The following RD3 variants were observed in gnomAD, a reference collection of about 807,000 sequenced individuals.
The protein encoded by RD3 is RD3 regulator of GUCY2D.
In RD3, 11 loss-of-function variants were observed where a neutral mutation model predicts 16.9. The ratio of observed to expected loss-of-function variants is 0.65; its 90% confidence interval spans 0.41 to 1.08. The LOEUF is 1.08. Ranked by LOEUF, RD3 falls within the 50% of genes least tolerant of loss-of-function variation. RD3 has a pLI of 0.00. For missense variants in RD3, 274 were observed against 267.4 expected (o/e 1.02, Z -0.17); for synonymous variants, 116 against 114.8 (o/e 1.01, Z -0.07).
At chr1:211,480,288 G>A (rs1705235136) in intron 2 of RD3, among the ~76,000 whole-genome samples, 1 of 152,098 alleles carries the variant, frequency 6.6e-6, no homozygotes, top group South Asian at 2.1e-4. Flanking sequence ...GTGTGGACGG[G>A]GCTGAAGAAG....
chr1:211,482,790 A>C (rs1210601370), intron 1 of RD3, among the ~76,000 whole-genome samples: 1 of 151,898 alleles, frequency 6.6e-6, no homozygotes, highest in Non-Finnish European at 1.5e-5. Flanking sequence ...TAAAGCCTGA[A>C]GTGGGTCTTC....
rs1272054276 is a variant in RD3 at position 211,481,235 on chromosome 1, T to A, written c.181A>T (p.Ser61Cys). 7.4e-6 allele frequency: 12 copies of A among 1,614,262 alleles called. No homozygotes were observed. Among genetic ancestry groups the A allele is most frequent in the Non-Finnish European group, 1.0e-5 (12 of 1,180,050 alleles). Residue 61 changes from serine to cysteine, a missense_variant, in exon 2 of 3, where the codon AGC (serine) becomes TGC (cysteine). Ser to Cys is a moderately radical substitution (Grantham distance 112). Coordinates refer to ENST00000680073, the MANE Select transcript of RD3 (RefSeq NM_001164688.2). ...VRKVCTGVDY[S>C]WLASTPRSTY... is the part of the protein sequence containing the mutation. ...GACCGGGGTGTGCTGGCCAGCCAGC[T>A]GTAGTCCACACCGGTGCAGACCTTT...
chr1:211,481,104 C>G lies in RD3; in HGVS notation c.296+16G>C, dbSNP rs1253435617. 7.4e-6 allele frequency: 12 copies of G among 1,613,508 alleles called. No homozygotes were observed. The highest frequency in any genetic ancestry group is 1.0e-5 in the Non-Finnish European group (12 of 1,179,558). On this transcript the variant is annotated intron_variant, in intron 2 of 2. Coordinates refer to ENST00000680073, the MANE Select transcript of RD3 (RefSeq NM_001164688.2). ...GGAGCCTGCAGCCCAGCAAGGGTCC[C>G]CATCCCAGTGCTCACCTGAGGATAG...
chr1:211,482,913 G>C (rs1705305278), intron 1 of RD3, among the ~76,000 whole-genome samples: 1 of 151,938 alleles, frequency 6.6e-6, no homozygotes, highest in Admixed American at 6.5e-5. Flanking sequence ...AAAGAGGTCA[G>C]ATGAACTCAG....
intron 1 of RD3, among the ~76,000 whole-genome samples, chr1:211,488,534 A>AC (rs1442028706): frequency 1.3e-5 from 2 of 148,684 alleles, no homozygotes; most frequent in African/African-American, 2.5e-5. Flanking sequence ...GACTCTGTCA[A>AC]AAAAAAAAAA....
At chr1:211,486,646 C>T (rs1206591793) in intron 1 of RD3, among the ~76,000 whole-genome samples, 5 of 152,016 alleles carry the variant, frequency 3.3e-5, no homozygotes, top group Non-Finnish European at 7.4e-5. Flanking sequence ...GTCAGGAGTT[C>T]GAGACCAGCC....
In RD3 at chr1:211,477,128, T is replaced by G. The variant is rs976191749; in HGVS notation, c.*1908A>C. The G allele has an allele frequency of 6.7e-6, 1 of 148,268 alleles. No individual in the cohort carries two copies. The highest frequency in any genetic ancestry group is 1.5e-5 in the Non-Finnish European group (1 of 66,468). 9.2% of individuals were successfully genotyped at this position (148,268 alleles called of 1,614,324 possible). A position where few individuals can be genotyped will look rare whatever the true frequency, so the allele number is the denominator to read the frequency against. ...TGTAGAACTCCCACCAGACAAAACA[T>G]ATAGGTCACAAAAAAGCACAGCTTG... On this transcript the variant is annotated 3_prime_UTR_variant, in exon 3 of 3. Coordinates refer to ENST00000680073, the MANE Select transcript of RD3 (RefSeq NM_001164688.2).
At position 211,477,928 on chromosome 1, in the gene RD3, G is replaced by A. The variant is rs151010298; in HGVS notation, c.*1108C>T. ...ATTTTCCATGGGTGATCCACACATTGGGTAATCCACATGCCCATCATCAAG... is the reference window on the plus strand; with the variant it reads ...ATTTTCCATGGGTGATCCACACATTAGGTAATCCACATGCCCATCATCAAG... On this transcript the variant is annotated 3_prime_UTR_variant, in exon 3 of 3. Transcript: ENST00000680073. 2.0e-3 allele frequency: 779 copies of A among 392,408 alleles called. 4 individuals are homozygous for A. Among genetic ancestry groups the A allele is most frequent in the Middle Eastern group, 5.8e-3 (9 of 1,560 alleles). 24.3% of individuals were successfully genotyped at this position (392,408 alleles called of 1,614,324 possible).
intron 2 of RD3, among the ~76,000 whole-genome samples, chr1:211,479,708 C>T (rs903627544): frequency 1.3e-5 from 2 of 152,222 alleles, no homozygotes; most frequent in Non-Finnish European, 2.9e-5. Context: ...TGTCTCTTCT[C>T]CACCCACTGG....
intron 1 of RD3, among the ~76,000 whole-genome samples, chr1:211,484,042 G>A (rs1339762068): frequency 2.6e-5 from 4 of 152,054 alleles, no homozygotes; most frequent in East Asian, 1.9e-4. Flanking sequence ...CAGCACCCTC[G>A]GAAGCTTTTC....
chr1:211,481,224 G>A lies in RD3; in HGVS notation c.192C>T (p.Ala64=). ...VCTGVDYSWL[A]STPRSTYDLS... ...GGTCATAGGTGGACCGGGGTGTGCT[G>A]GCCAGCCAGCTGTAGTCCACACCGG... Residue 64 remains alanine, a synonymous_variant, in exon 2 of 3, where the codon GCC becomes GCT. Coordinates refer to ENST00000680073, the MANE Select transcript of RD3 (RefSeq NM_001164688.2). The A allele has an allele frequency of 6.2e-7, 1 of 1,614,258 alleles. No homozygotes were observed. The highest frequency in any genetic ancestry group is 2.2e-5 in the East Asian group (1 of 44,892).
chr1:211,485,622 A>G (rs114611086), intron 1 of RD3, among the ~76,000 whole-genome samples: 1 of 152,150 alleles, frequency 6.6e-6, no homozygotes, highest in African/African-American at 2.4e-5. Context: ...TAAACAACAG[A>G]AAGAGTGACC....
intron 1 of RD3, among the ~76,000 whole-genome samples, chr1:211,482,147 G>T (rs570137207): frequency 6.7e-6 from 1 of 150,222 alleles, no homozygotes; most frequent in Non-Finnish European, 1.5e-5. Flanking sequence ...GCCTGAACCC[G>T]GGAGGTGGAG....
Position 211,479,124 on chromosome 1 carries a change from C to G in RD3, c.500G>C (p.Arg167Thr). ...ARISPFASDI[R>T]TISEDVERDT... is the part of the protein sequence containing the mutation. Reference sequence around the variant, plus strand: ...CCGCTCCACGTCCTCGGAGATGGTCCTGATGTCGCTGGCGAAGGGCGAGAT... The same window carrying G: ...CCGCTCCACGTCCTCGGAGATGGTCGTGATGTCGCTGGCGAAGGGCGAGAT... The change falls in exon 3 of 3, where the codon AGG (arginine) becomes ACG (threonine). Residue 167 changes from arginine to threonine, a missense_variant. Physicochemically the swap from Arg to Thr is moderately conservative, Grantham distance 71. Transcript: ENST00000680073. 6.2e-7 allele frequency: 1 copy of G among 1,612,616 alleles called. No individual in the cohort carries two copies. The highest frequency in any genetic ancestry group is 8.5e-7 in the Non-Finnish European group (1 of 1,179,638).
In RD3 at chr1:211,477,842, C is replaced by T; in HGVS notation, c.*1194G>A. On this transcript the variant is annotated 3_prime_UTR_variant, in exon 3 of 3. Transcript: ENST00000680073. ...TAGTTGAGGGTAGACACTTCCCCAC[C>T]CATCCCCCTTACACCCCACTTCAAC... 1 of 371,620 alleles carries T rather than the reference C, an allele frequency of 2.7e-6. No homozygotes were observed. The highest frequency in any genetic ancestry group is 4.8e-6 in the Non-Finnish European group (1 of 209,824). The allele number at this position is 371,620 out of a possible 1,614,324, so 23.0% of individuals were successfully genotyped here.
At chr1:211,480,927 C>T (rs1396610971) in intron 2 of RD3, among the ~76,000 whole-genome samples, 193 bp downstream of exon 2, 6 of 152,240 alleles carry the variant, frequency 3.9e-5, no homozygotes, top group African/African-American at 1.4e-4. Context: ...CCTCCTGCCT[C>T]CCGCTGGACC....
At chr1:211,486,295 AC>A (rs1705373387) in intron 1 of RD3, among the ~76,000 whole-genome samples, 1 of 152,080 alleles carries the variant, frequency 6.6e-6, no homozygotes, top group Non-Finnish European at 1.5e-5. Context: ...ACCTGAGGTC[AC>A]GAGTTCGAGA....
At chr1:211,479,896 T>TG (rs1341926321) in intron 2 of RD3, among the ~76,000 whole-genome samples, 1 of 152,216 alleles carries the variant, frequency 6.6e-6, no homozygotes, top group African/African-American at 2.4e-5. Flanking sequence ...CAAGGCCCTG[T>TG]GTTTTCCCAA....
intron 1 of RD3, among the ~76,000 whole-genome samples, chr1:211,485,183 C>T (rs1705349642): frequency 6.6e-6 from 1 of 152,174 alleles, no homozygotes; most frequent in Admixed American, 6.5e-5. Context: ...TGACCCACCT[C>T]CCCCATCTCC....
Sources: allele counts gnomAD v4.1 joint callset (sites outside exome capture counted in the v4.1 genomes callset), GRCh38; gene constraint gnomAD v4.1.1; transcripts MANE v1.5; gene names NCBI Gene and HGNC (gene_info 2026-07-23, HGNC 2026-07-21).